SGCZ: variants seen among roughly 807,000 people sequenced by gnomAD.
The protein encoded by SGCZ is sarcoglycan zeta, also known as zeta-sarcoglycan.
In SGCZ, 40 loss-of-function variants were observed where a neutral mutation model predicts 41.3. That is an observed-to-expected ratio of 0.97 (90% CI 0.75 to 1.26). The LOEUF (loss-of-function observed/expected upper bound fraction) is 1.26, where lower values mean the gene tolerates loss of function less well. Ranked by LOEUF, SGCZ falls within the 50% of genes most tolerant of loss-of-function variation. The pLI is 0.00. For missense variants in SGCZ, 552 were observed against 369.8 expected (o/e 1.49, Z -4.04); for synonymous variants, 206 against 137.5 (o/e 1.50, Z -3.49).
At position 14,903,283 on chromosome 8, in the gene SGCZ, C is replaced by T. The variant is rs1585364475; in HGVS notation, c.39+334302G>A. ...TGACAGTGTAGATACAGCATTATTT[C>T]TGAGACTTGCTCTCATACTAAATAC... On this transcript the variant is annotated intron_variant, in intron 1 of 7. Transcript: ENST00000382080. Among the ~76,000 whole-genome samples the T allele has an allele frequency of 2.0e-5, 3 of 152,074 alleles. No homozygotes were observed. In the South Asian group the frequency reaches 6.2e-4, roughly 32 times the overall value.
At chr8:14,670,236 A>G (rs1454582602) in intron 1 of SGCZ, among the ~76,000 whole-genome samples, 1 of 152,122 alleles carries the variant, frequency 6.6e-6, no homozygotes, top group Non-Finnish European at 1.5e-5. Flanking sequence ...ATGAAGTTTT[A>G]TATTGTAGCG....
chr8:14,847,666 G>A (rs1397140829), intron 1 of SGCZ, among the ~76,000 whole-genome samples: 4 of 134,080 alleles, frequency 3.0e-5, no homozygotes, highest in Non-Finnish European at 4.8e-5. Context: ...AGGGAGGGAA[G>A]GAAGGAAAGA....
intron 4 of SGCZ, among the ~76,000 whole-genome samples, chr8:14,169,195 C>CT (rs1453285041): frequency 6.6e-6 from 1 of 152,084 alleles, no homozygotes; most frequent in Non-Finnish European, 1.5e-5. Flanking sequence ...TTTGGGGGAA[C>CT]TTTTTTGCTA....
intron 3 of SGCZ, among the ~76,000 whole-genome samples, chr8:14,320,620 A>G (rs1035322730): frequency 1.3e-5 from 2 of 152,038 alleles, no homozygotes; most frequent in East Asian, 1.9e-4. Context: ...ATCACAGTGA[A>G]AGGGACATGA....
chr8:14,319,565 G>A (rs1801849751), intron 3 of SGCZ: 1 of 151,858 alleles, frequency 6.6e-6, no homozygotes, highest in Non-Finnish European at 1.5e-5. Flanking sequence ...AACTAATTAA[G>A]AATACTAGGA....
intron 5 of SGCZ, among the ~76,000 whole-genome samples, chr8:14,121,180 A>G (rs1802685759): frequency 6.6e-6 from 1 of 152,106 alleles, no homozygotes; most frequent in South Asian, 2.1e-4. Flanking sequence ...ATTGAACATA[A>G]AATTTAGTAT....
intron 1 of SGCZ, among the ~76,000 whole-genome samples, chr8:15,121,539 T>C (rs997891214): frequency 5.9e-5 from 9 of 152,288 alleles, no homozygotes; most frequent in Non-Finnish European, 1.2e-4. Flanking sequence ...AGTAGTCTAG[T>C]TGTTGAAGTA....
At position 14,121,139 on chromosome 8, in the gene SGCZ, A is replaced by T. The variant is rs565467564; in HGVS notation, c.548-12904T>A. 2.0e-5 allele frequency among the ~76,000 whole-genome samples: 3 copies of T among 152,244 alleles called. No homozygotes were observed. In the South Asian group the frequency reaches 6.2e-4, roughly 32 times the overall value. On this transcript the variant is annotated intron_variant, in intron 5 of 7. Transcript: ENST00000382080. Reference sequence around the variant, plus strand: ...AGCAATAGATATCCTTCTCACGGAAACTCAACTTAATGGCAAAGTCAATGT... The same window carrying T: ...AGCAATAGATATCCTTCTCACGGAATCTCAACTTAATGGCAAAGTCAATGT...
chr8:14,948,652 C>T (rs78919416), intron 1 of SGCZ, among the ~76,000 whole-genome samples: 197 of 152,222 alleles, frequency 1.3e-3, no homozygotes, highest in African/African-American at 4.6e-3. Context: ...GCCAAGGTCA[C>T]TAACTACCTC....
In SGCZ at chr8:14,505,458, G is replaced by T. The variant is rs574245124; in HGVS notation, c.234+49274C>A. 3.3e-5 allele frequency among the ~76,000 whole-genome samples: 5 copies of T among 152,240 alleles called. No individual in the cohort carries two copies. In the East Asian group the frequency reaches 9.7e-4, roughly 29 times the overall value. On this transcript the variant is annotated intron_variant, in intron 2 of 7. Coordinates refer to ENST00000382080, the MANE Select transcript of SGCZ (RefSeq NM_139167.4). ...ATTGTTTCTTTTCTATGTTATGGCA[G>T]TAGTTGAGAAATTAAGGATACTCCC...
chr8:15,056,533 T>C (rs1804711300), intron 1 of SGCZ, among the ~76,000 whole-genome samples: 2 of 146,632 alleles, frequency 1.4e-5, no homozygotes, highest in Non-Finnish European at 3.0e-5. Flanking sequence ...TTTGCCTTAA[T>C]GTAGGTGAGC....
chr8:14,799,714 C>G (rs1335851541), intron 1 of SGCZ, among the ~76,000 whole-genome samples: 2 of 151,892 alleles, frequency 1.3e-5, no homozygotes, highest in African/African-American at 4.8e-5. Flanking sequence ...ATTTAAAAAG[C>G]GTAGAACCCT....
intron 1 of SGCZ, among the ~76,000 whole-genome samples, chr8:15,078,058 T>G (rs2131039396): frequency 6.6e-6 from 1 of 151,632 alleles, no homozygotes; most frequent in South Asian, 2.1e-4. Context: ...AATTCATGCC[T>G]TACGTGGGAG....
intron 1 of SGCZ, among the ~76,000 whole-genome samples, chr8:15,133,752 G>A (rs1033170405): frequency 6.6e-6 from 1 of 152,134 alleles, no homozygotes; most frequent in Non-Finnish European, 1.5e-5. Context: ...AATAAGAGTA[G>A]ACCATATCAG....
At chr8:14,513,570 C>T (rs1247788390) in intron 2 of SGCZ, among the ~76,000 whole-genome samples, 2 of 99,488 alleles carry the variant, frequency 2.0e-5, no homozygotes, top group African/African-American at 4.4e-5. Context: ...CATCTATAGC[C>T]CTTTCAGTCT....
chr8:14,253,984 A>G lies in SGCZ; in HGVS notation c.337-16305T>C, dbSNP rs1359517019. On this transcript the variant is annotated intron_variant, in intron 3 of 7. Coordinates refer to ENST00000382080, the MANE Select transcript of SGCZ (RefSeq NM_139167.4). ...AAATAATGCAATCTGAAGAACAAAC[A>G]TACAGAAAGAAAAACATATTTATGC... 3.7e-4 allele frequency among the ~76,000 whole-genome samples: 57 copies of G among 152,180 alleles called. 1 individual carries two copies. The highest frequency in any genetic ancestry group is 3.7e-3 in the Admixed American group (56 of 15,268).
chr8:14,242,667 T>C (rs1019170273), intron 3 of SGCZ, among the ~76,000 whole-genome samples: 3 of 152,186 alleles, frequency 2.0e-5, no homozygotes, highest in Non-Finnish European at 4.4e-5. Flanking sequence ...CTACTAATAA[T>C]ACTGGATACC....
At position 15,237,578 on chromosome 8, in the gene SGCZ, C is replaced by T. The variant is rs1395260477; in HGVS notation, c.39+7G>A. On this transcript the variant is annotated splice_region_variant and intron_variant, in intron 1 of 7. Transcript: ENST00000382080. ...CGGCCGCGAAGCCCGCCCGGACCCG[C>T]ACGTACCTTGAGCTCCTCAATGTCC... is the stretch of plus-strand genomic sequence containing the variant. The T allele has an allele frequency of 6.3e-7, 1 of 1,588,316 alleles. No individual in the cohort carries two copies. Among genetic ancestry groups the T allele is most frequent in the East Asian group, 2.3e-5 (1 of 44,010 alleles).
At chr8:14,261,247 CCTGT>C (rs1333347221) in intron 3 of SGCZ, among the ~76,000 whole-genome samples, 3 of 152,222 alleles carry the variant, frequency 2.0e-5, no homozygotes, top group South Asian at 2.1e-4. Flanking sequence ...CTACTCAAAG[CCTGT>C]CTTTTAATAT....
Sources: allele counts gnomAD v4.1 joint callset (sites outside exome capture counted in the v4.1 genomes callset), GRCh38; gene constraint gnomAD v4.1.1; transcripts MANE v1.5; gene names NCBI Gene and HGNC (gene_info 2026-07-23, HGNC 2026-07-21).